GAS2: variants seen among roughly 807,000 people sequenced by gnomAD.
GAS2 encodes the protein growth arrest-specific protein 2.
Under a neutral mutation model 37.5 loss-of-function variants are expected in GAS2, and 20 were observed. That is an observed-to-expected ratio of 0.53 (90% CI 0.37 to 0.77). The LOEUF is 0.77. Ranked by LOEUF, GAS2 falls within the 30% of genes least tolerant of loss-of-function variation. GAS2 has a pLI of 0.00. For synonymous variants in GAS2, 144 were observed against 132.2 expected (o/e 1.09, Z -0.61); for missense variants, 336 against 373.4 (o/e 0.90, Z 0.82).
chr11:22,794,653 A>T (rs776885515), intron 7 of GAS2, among the ~76,000 whole-genome samples: 2 of 152,140 alleles, frequency 1.3e-5, no homozygotes, highest in Non-Finnish European at 2.9e-5. Context: ...GTGCACCATG[A>T]TTACTTTTCC....
intron 5 of GAS2, among the ~76,000 whole-genome samples, chr11:22,741,997 T>C (rs762567456): frequency 2.0e-5 from 3 of 152,096 alleles, no homozygotes; most frequent in Non-Finnish European, 4.4e-5. Flanking sequence ...AGGCCTCAGT[T>C]TGGGGTCTTA....
At chr11:22,698,629 TG>T (rs1850667743) in intron 3 of GAS2, among the ~76,000 whole-genome samples, 1 of 149,732 alleles carries the variant, frequency 6.7e-6, no homozygotes, top group Non-Finnish European at 1.5e-5. Flanking sequence ...AATAAAATAC[TG>T]GCAAACCGAA....
At chr11:22,728,164 A>G (rs1007787099) in intron 4 of GAS2, among the ~76,000 whole-genome samples, 8 of 152,040 alleles carry the variant, frequency 5.3e-5, no homozygotes, top group Non-Finnish European at 7.4e-5. Flanking sequence ...AATAAAAGCT[A>G]TGAATGTAAA....
chr11:22,808,405 G>T (rs912585982), intron 7 of GAS2, among the ~76,000 whole-genome samples: 1 of 152,200 alleles, frequency 6.6e-6, no homozygotes, highest in Non-Finnish European at 1.5e-5. Context: ...CAGTAGAAAG[G>T]ATGTGGAAGA....
chr11:22,784,394 C>A (rs981621856), intron 7 of GAS2, among the ~76,000 whole-genome samples: 16 of 152,150 alleles, frequency 1.1e-4, no homozygotes, highest in African/African-American at 3.6e-4. Flanking sequence ...GTTCAAGGTA[C>A]TTTCTAGGTC....
chr11:22,628,857 C>G (rs931485851), intron 1 of GAS2, among the ~76,000 whole-genome samples: 2 of 152,164 alleles, frequency 1.3e-5, no homozygotes, highest in Non-Finnish European at 2.9e-5. Flanking sequence ...CATAGCTTAG[C>G]TCCCACTTCC....
chr11:22,716,420 A>G (rs1256982734), intron 3 of GAS2, among the ~76,000 whole-genome samples: 2 of 152,134 alleles, frequency 1.3e-5, no homozygotes, highest in African/African-American at 2.4e-5. Flanking sequence ...CAGGCAGATC[A>G]TTTGAGGCCA....
chr11:22,791,072 A>G lies in GAS2; in HGVS notation c.724-20726A>G, dbSNP rs372425477. 2.1e-3 allele frequency among the ~76,000 whole-genome samples: 325 copies of G among 152,338 alleles called. 1 individual carries two copies. The highest frequency in any genetic ancestry group is 7.6e-3 in the African/African-American group (316 of 41,578). The stretch of plus-strand genomic sequence containing the variant: ...TCAAATACTCAAAATGAAAAAGAAT[A>G]GATTAGGCAAGATTAAATCCCCTTC... On this transcript the variant is annotated intron_variant, in intron 7 of 7. Coordinates refer to ENST00000454584, the MANE Select transcript of GAS2 (RefSeq NM_001143830.3).
chr11:22,785,005 G>A (rs61892171), intron 7 of GAS2, among the ~76,000 whole-genome samples: 24,421 of 151,944 alleles, frequency 0.16, 1,960 homozygotes, highest in Non-Finnish European at 0.17. Flanking sequence ...AGTCTTAGAG[G>A]ACAAAAAGAG....
At chr11:22,680,851 G>C (rs7125750) in intron 2 of GAS2, among the ~76,000 whole-genome samples, 55,986 of 151,968 alleles carry the variant, frequency 0.37, 11,310 homozygotes, top group African/African-American at 0.55. Context: ...TAAAAGCATG[G>C]ACTCTGAACC....
intron 3 of GAS2, among the ~76,000 whole-genome samples, chr11:22,701,588 G>A (rs944816771): frequency 6.6e-6 from 1 of 152,212 alleles, no homozygotes; most frequent in African/African-American, 2.4e-5. Flanking sequence ...CAGCACTTTG[G>A]GAGGCCAAGG....
intron 1 of GAS2, among the ~76,000 whole-genome samples, chr11:22,674,332 C>T (rs1406305789): frequency 1.3e-5 from 2 of 151,832 alleles, no homozygotes; most frequent in Non-Finnish European, 2.9e-5. Context: ...AATTGTGAGT[C>T]CATGATTGCT....
intron 1 of GAS2, among the ~76,000 whole-genome samples, chr11:22,660,338 T>G (rs1848902456): frequency 6.6e-6 from 1 of 152,178 alleles, no homozygotes; most frequent in Admixed American, 6.5e-5. Flanking sequence ...ATGCTGCTAA[T>G]ATCTTTATCT....
At chr11:22,807,405 T>G (rs1438004783) in intron 7 of GAS2, among the ~76,000 whole-genome samples, 1 of 152,224 alleles carries the variant, frequency 6.6e-6, no homozygotes, top group Non-Finnish European at 1.5e-5. Flanking sequence ...TTAAAGGAAG[T>G]TGCATCTGTT....
intron 7 of GAS2, among the ~76,000 whole-genome samples, chr11:22,768,012 G>A (rs1329600530): frequency 6.6e-6 from 1 of 152,152 alleles, no homozygotes; most frequent in Non-Finnish European, 1.5e-5. Flanking sequence ...TAAACGGCCA[G>A]TCCTTCCATT....
intron 3 of GAS2, among the ~76,000 whole-genome samples, chr11:22,725,440 T>C (rs1022102195): frequency 2.6e-5 from 4 of 152,154 alleles, no homozygotes; most frequent in African/African-American, 9.6e-5. Flanking sequence ...TAGAATGTTA[T>C]ATTTTTGATA....
intron 7 of GAS2, among the ~76,000 whole-genome samples, chr11:22,779,714 A>C (rs111877103): frequency 7.4e-4 from 2 of 2,710 alleles, no homozygotes; most frequent in Non-Finnish European, 0.17. Flanking sequence ...AACAAAAAAC[A>C]AAAAAAAAAA....
At chr11:22,805,675 T>A (rs1475269450) in intron 7 of GAS2, among the ~76,000 whole-genome samples, 3 of 152,018 alleles carry the variant, frequency 2.0e-5, no homozygotes, top group African/African-American at 7.2e-5. Flanking sequence ...CTTGGATAAG[T>A]CCACAGAGTA....
intron 1 of GAS2, chr11:22,626,512 T>G (rs1376133160): frequency 1.3e-5 from 2 of 153,214 alleles, no homozygotes; most frequent in Non-Finnish European, 2.9e-5. Context: ...CTGAAGGAAA[T>G]GGCATTTAAG....
Sources: gnomAD v4.1 joint callset for allele counts (sites outside exome capture counted in the v4.1 genomes callset) on GRCh38, gnomAD v4.1.1 for gene constraint, MANE v1.5 for transcripts, NCBI Gene and HGNC (gene_info 2026-07-23, HGNC 2026-07-21) for gene names.